Variants in MCTP1 observed in about 807,000 individuals in gnomAD.
MCTP1 encodes multiple C2 and transmembrane domain-containing protein 1.
Under a neutral mutation model 120.6 loss-of-function variants are expected in MCTP1, and 69 were observed. That is an observed-to-expected ratio of 0.57 (90% CI 0.47 to 0.70). The LOEUF (loss-of-function observed/expected upper bound fraction) is 0.70, where lower values mean the gene tolerates loss of function less well. Among genes scored for constraint, MCTP1 ranks in the 30% least tolerant of loss-of-function variants. The pLI, the probability that MCTP1 is intolerant of heterozygous loss-of-function variation, is 0.00. For missense variants in MCTP1, 1,203 were observed against 1,248.8 expected, an observed-to-expected ratio of 0.96 and a Z score of 0.55; for synonymous variants, 529 against 493.1, an observed-to-expected ratio of 1.07 and a Z score of -0.96.
intron 17 of MCTP1, among the ~76,000 whole-genome samples, chr5:94,866,087 C>G (rs371624392): frequency 2.4e-4 from 37 of 151,980 alleles, no homozygotes; most frequent in African/African-American, 8.2e-4. Context: ...TAGTACTAAG[C>G]TATGTTTATC....
At chr5:95,204,861 A>C (rs1388329966) in intron 1 of MCTP1, among the ~76,000 whole-genome samples, 2 of 152,146 alleles carry the variant, frequency 1.3e-5, no homozygotes, top group African/African-American at 4.8e-5. Context: ...GAAATTATGA[A>C]GATAAATAGA....
intron 9 of MCTP1, among the ~76,000 whole-genome samples, chr5:94,910,684 A>G (rs1280396733): frequency 6.6e-6 from 1 of 151,914 alleles, no homozygotes; most frequent in Non-Finnish European, 1.5e-5. Context: ...CAGAACTATA[A>G]AAATAAGTAA....
intron 1 of MCTP1, among the ~76,000 whole-genome samples, chr5:95,070,558 T>A (rs1751893125): frequency 6.6e-6 from 1 of 152,216 alleles, no homozygotes; most frequent in Non-Finnish European, 1.5e-5. Flanking sequence ...CCAGTTCCTC[T>A]CAGCAAAGCC....
At chr5:94,932,836 G>C (rs1231719741) in intron 5 of MCTP1, among the ~76,000 whole-genome samples, 1 of 152,094 alleles carries the variant, frequency 6.6e-6, no homozygotes, top group East Asian at 1.9e-4. Context: ...TAAAGTGCTT[G>C]TGCCATATTT....
At chr5:94,933,008 T>A (rs114006361) in intron 5 of MCTP1, among the ~76,000 whole-genome samples, 346 of 152,080 alleles carry the variant, frequency 2.3e-3, no homozygotes, top group African/African-American at 8.1e-3. Flanking sequence ...CAAGAATGAA[T>A]TTAGACATTC....
At chr5:94,917,560 A>G (rs1810396830) in intron 8 of MCTP1, among the ~76,000 whole-genome samples, 1 of 152,212 alleles carries the variant, frequency 6.6e-6, no homozygotes, top group South Asian at 2.1e-4. Flanking sequence ...ATTCTCATAC[A>G]TCCAAAGTTT....
At chr5:94,913,526 C>A (rs927719128) in intron 8 of MCTP1, among the ~76,000 whole-genome samples, 1 of 152,082 alleles carries the variant, frequency 6.6e-6, no homozygotes, top group African/African-American at 2.4e-5. Context: ...ATTTAAGTTA[C>A]CACAAAATAG....
intron 10 of MCTP1, among the ~76,000 whole-genome samples, chr5:94,905,930 A>C (rs1451704381): frequency 1.3e-5 from 2 of 152,264 alleles, no homozygotes; most frequent in Non-Finnish European, 2.9e-5. Flanking sequence ...GATGAGGAAA[A>C]ACCTGCAAAG....
intron 17 of MCTP1, among the ~76,000 whole-genome samples, chr5:94,840,868 C>G (rs1790861753): frequency 6.6e-6 from 1 of 152,086 alleles, no homozygotes; most frequent in Non-Finnish European, 1.5e-5. Flanking sequence ...CATCTGGATA[C>G]TAAGCAAGCT....
chr5:95,227,120 G>GA (rs1456846206), intron 1 of MCTP1, among the ~76,000 whole-genome samples: 7 of 152,060 alleles, frequency 4.6e-5, no homozygotes, highest in Non-Finnish European at 1.0e-4. Context: ...TTAGTTTTAA[G>GA]AAAAAATAAG....
intron 1 of MCTP1, among the ~76,000 whole-genome samples, chr5:95,237,405 C>A (rs919200695): frequency 2.0e-5 from 3 of 152,102 alleles, no homozygotes; most frequent in African/African-American, 7.2e-5. Flanking sequence ...CCACTAGGGA[C>A]ATGCGGTGGG....
At position 94,841,128 on chromosome 5, in the gene MCTP1, T is replaced by C. The variant is rs533828267; in HGVS notation, c.2436+27205A>G. ...CCGAGGCTTAAAGGTGACGAGTAGG[T>C]GTGCCCTTCCCTTGTACTTCTAGGG... is the stretch of plus-strand genomic sequence containing the variant. On this transcript the variant is annotated intron_variant, in intron 17 of 22. Coordinates refer to ENST00000515393, the MANE Select transcript of MCTP1 (RefSeq NM_024717.7). Among the ~76,000 whole-genome samples, 4 of 152,274 alleles carry C rather than the reference T, an allele frequency of 2.6e-5. No homozygotes were observed. The East Asian group carries it at 7.7e-4, about 29-fold the overall frequency.
intron 1 of MCTP1, among the ~76,000 whole-genome samples, chr5:95,182,100 T>G (rs920778556): frequency 6.6e-6 from 1 of 152,218 alleles, no homozygotes; most frequent in East Asian, 1.9e-4. Flanking sequence ...GGAATATTGA[T>G]ACTGGCATCA....
intron 10 of MCTP1, among the ~76,000 whole-genome samples, chr5:94,896,607 G>T (rs1367194699): frequency 6.6e-6 from 1 of 152,134 alleles, no homozygotes; most frequent in African/African-American, 2.4e-5. Context: ...ATGCTTTACA[G>T]GTGGGGAAAC....
At chr5:95,035,200 C>T (rs1251814989) in intron 1 of MCTP1, among the ~76,000 whole-genome samples, 1 of 151,828 alleles carries the variant, frequency 6.6e-6, no homozygotes, top group Non-Finnish European at 1.5e-5. Context: ...TTCCATTTGA[C>T]CTAACAATCT....
In MCTP1 at chr5:95,220,335, C is replaced by CTT. The variant is rs554157258; in HGVS notation, c.720+63519_720+63520dup. On this transcript the variant is annotated intron_variant, in intron 1 of 22. Coordinates refer to ENST00000515393, the MANE Select transcript of MCTP1 (RefSeq NM_024717.7). ...AACCTGGATCCTCATTTTCTTCTTC[C>CTT]TTTTTTTTTTTTTTACAAAGAATTC... Among the ~76,000 whole-genome samples the CTT allele has an allele frequency of 9.7e-3, 1,383 of 142,640 alleles. 13 individuals carry two copies. Among genetic ancestry groups the CTT allele is most frequent in the South Asian group, 0.033 (146 of 4,452 alleles). The allele number at this position is 142,640 out of a possible 152,430, so 93.6% of individuals were successfully genotyped here. A position where few individuals can be genotyped will look rare whatever the true frequency, so the allele number is the denominator to read the frequency against.
intron 17 of MCTP1, among the ~76,000 whole-genome samples, chr5:94,856,539 G>C (rs1332182456): frequency 1.3e-5 from 2 of 151,652 alleles, no homozygotes; most frequent in Non-Finnish European, 3.0e-5. Context: ...GGCTGGGCTT[G>C]TGCATGGCAT....
chr5:94,992,153 G>A (rs904833672), intron 2 of MCTP1, among the ~76,000 whole-genome samples: 1 of 152,146 alleles, frequency 6.6e-6, no homozygotes, highest in Non-Finnish European at 1.5e-5. Flanking sequence ...AATGCCGCGT[G>A]CCAGAGCCCA....
At chr5:95,117,528 G>T (rs1462270956) in intron 1 of MCTP1, among the ~76,000 whole-genome samples, 3 of 152,044 alleles carry the variant, frequency 2.0e-5, no homozygotes, top group East Asian at 1.9e-4. Flanking sequence ...TGTTGGCAAG[G>T]TTGCAGAGAA....
Sources: gnomAD v4.1 joint callset for allele counts (sites outside exome capture counted in the v4.1 genomes callset) on GRCh38, gnomAD v4.1.1 for gene constraint, MANE v1.5 for transcripts, NCBI Gene and HGNC (gene_info 2026-07-23, HGNC 2026-07-21) for gene names.